Variants in SLC25A48 observed in about 807,000 individuals in gnomAD.
SLC25A48 encodes the protein CTC-321K16.1.
Under a neutral mutation model 32.2 loss-of-function variants are expected in SLC25A48, and 29 were observed. The observed-to-expected ratio is 0.90, with a 90% CI of 0.67 to 1.23. SLC25A48 has a LOEUF of 1.23. Among genes scored for constraint, SLC25A48 ranks in the 50% most tolerant of loss-of-function variants. The pLI is 0.00. For missense variants in SLC25A48, 399 were observed against 422.7 expected (o/e 0.94, Z 0.49); for synonymous variants, 164 against 172.3 (o/e 0.95, Z 0.38).
At chr5:135,628,598 G>A (rs1752490085) in intron 1 of SLC25A48, among the ~76,000 whole-genome samples, 1 of 152,172 alleles carries the variant, frequency 6.6e-6, no homozygotes. Flanking sequence ...GGTCCAAAGG[G>A]AGGTGACGTT....
chr5:135,603,797 C>T (rs987822330), intron 1 of SLC25A48, among the ~76,000 whole-genome samples: 1 of 152,178 alleles, frequency 6.6e-6, no homozygotes, highest in African/African-American at 2.4e-5. Context: ...CTAGAAGAGG[C>T]CTCACTGTCC....
At chr5:135,614,028 C>T (rs572180021) in intron 1 of SLC25A48, among the ~76,000 whole-genome samples, 144 of 152,152 alleles carry the variant, frequency 9.5e-4, no homozygotes, top group African/African-American at 3.3e-3. Flanking sequence ...AGATTGCTTT[C>T]GGCAGAATGG....
chr5:135,676,996 C>A (rs534607543), intron 3 of SLC25A48, among the ~76,000 whole-genome samples: 58 of 151,990 alleles, frequency 3.8e-4, no homozygotes, highest in Non-Finnish European at 1.3e-4. Context: ...AGTTTCAATT[C>A]AATATTTCTT....
chr5:135,618,871 T>C (rs1378242390), intron 1 of SLC25A48, among the ~76,000 whole-genome samples: 1 of 152,056 alleles, frequency 6.6e-6, no homozygotes, highest in Admixed American at 6.5e-5. Context: ...GTTAGTCTGA[T>C]AGGGGTTCAT....
chr5:135,741,064 T>C (rs1381539423), intron 3 of SLC25A48, among the ~76,000 whole-genome samples: 3 of 152,224 alleles, frequency 2.0e-5, no homozygotes, highest in Non-Finnish European at 4.4e-5. Flanking sequence ...TGTCAGGCCC[T>C]ATGCTAAGTG....
At chr5:135,636,899 C>T (rs1422222322) in intron 3 of SLC25A48, among the ~76,000 whole-genome samples, 1 of 152,162 alleles carries the variant, frequency 6.6e-6, no homozygotes, top group East Asian at 1.9e-4. Flanking sequence ...CTGCTTCCCA[C>T]GGGACTCAGG....
intron 1 of SLC25A48, among the ~76,000 whole-genome samples, chr5:135,622,473 G>A (rs1301118679): frequency 6.6e-6 from 1 of 152,184 alleles, no homozygotes; most frequent in Non-Finnish European, 1.5e-5. Context: ...TCCATATGAT[G>A]AATACTCTGT....
At chr5:135,626,028 A>G (rs963039779) in intron 1 of SLC25A48, among the ~76,000 whole-genome samples, 9 of 152,228 alleles carry the variant, frequency 5.9e-5, no homozygotes, top group African/African-American at 1.9e-4. Context: ...AAAAGTCAAC[A>G]GCAGGCCCTA....
At chr5:135,764,596 A>C (rs1183910038) in intron 3 of SLC25A48, among the ~76,000 whole-genome samples, 2 of 147,938 alleles carry the variant, frequency 1.4e-5, no homozygotes, top group Non-Finnish European at 3.0e-5. Flanking sequence ...TATCTCGGGG[A>C]GTGTACACTT....
chr5:135,625,021 G>A (rs1752412603), intron 1 of SLC25A48, among the ~76,000 whole-genome samples: 1 of 152,174 alleles, frequency 6.6e-6, no homozygotes, highest in African/African-American at 2.4e-5. Flanking sequence ...TCTGTCACAG[G>A]GGAGAAGGAT....
At chr5:135,646,977 C>G (rs1388750911) in intron 3 of SLC25A48, among the ~76,000 whole-genome samples, 1 of 151,766 alleles carries the variant, frequency 6.6e-6, no homozygotes, top group Admixed American at 6.6e-5. Flanking sequence ...CTATATTGTA[C>G]ACTCTTTGCT....
intron 3 of SLC25A48, among the ~76,000 whole-genome samples, chr5:135,738,648 G>A (rs1020710854): frequency 3.3e-5 from 5 of 152,200 alleles, no homozygotes; most frequent in African/African-American, 1.2e-4. Flanking sequence ...TCTGTGAGAC[G>A]AGTGCTCCGG....
At chr5:135,780,417 G>A (rs1756692924) in intron 3 of SLC25A48, among the ~76,000 whole-genome samples, 1 of 116,628 alleles carries the variant, frequency 8.6e-6, no homozygotes, top group South Asian at 3.0e-4. Flanking sequence ...GGCAGGGAGA[G>A]GTTGTTATTA....
chr5:135,673,792 A>G (rs1753707757), intron 3 of SLC25A48, among the ~76,000 whole-genome samples: 1 of 152,016 alleles, frequency 6.6e-6, no homozygotes, highest in African/African-American at 2.4e-5. Context: ...CCAGTCATTT[A>G]GATTTTTCTT....
At chr5:135,851,118 C>T (rs1404646255) in intron 3 of SLC25A48, among the ~76,000 whole-genome samples, 2 of 152,166 alleles carry the variant, frequency 1.3e-5, no homozygotes, top group African/African-American at 4.8e-5. Context: ...TCAGGTGGAA[C>T]CCTGTCGCAG....
intron 1 of SLC25A48, among the ~76,000 whole-genome samples, chr5:135,612,625 G>A (rs934986518): frequency 3.9e-5 from 6 of 152,108 alleles, no homozygotes; most frequent in African/African-American, 1.4e-4. Context: ...CCACGTATGA[G>A]TAAGAACAAT....
chr5:135,823,234 G>A (rs917655378), intron 4 of SLC25A48, among the ~76,000 whole-genome samples: 28 of 152,198 alleles, frequency 1.8e-4, no homozygotes, highest in African/African-American at 6.8e-4. Context: ...GTCCACAAGT[G>A]GAACAGCCTG....
chr5:135,636,855 C>A (rs1284970865), intron 3 of SLC25A48, among the ~76,000 whole-genome samples: 3 of 152,184 alleles, frequency 2.0e-5, no homozygotes, highest in Non-Finnish European at 2.9e-5. Context: ...ATAGCCAAAC[C>A]AAGCCACGTT....
At chr5:135,665,639 T>C (rs1220832960) in intron 3 of SLC25A48, among the ~76,000 whole-genome samples, 2 of 152,154 alleles carry the variant, frequency 1.3e-5, no homozygotes, top group Non-Finnish European at 2.9e-5. Context: ...GTTTTACATG[T>C]GGCTAGCAAG....
Sources: allele counts gnomAD v4.1 joint callset (sites outside exome capture counted in the v4.1 genomes callset), GRCh38; gene constraint gnomAD v4.1.1; transcripts MANE v1.5; gene names NCBI Gene and HGNC (gene_info 2026-07-23, HGNC 2026-07-21).